MIR17HG: variants seen among roughly 807,000 people sequenced by gnomAD.
MIR17HG encodes the protein miR-17-92a-1 cluster host gene.
chr13:91,348,634 G>A (rs539151875), intron 1 of MIR17HG, among the ~76,000 whole-genome samples: 77 of 151,010 alleles, frequency 5.1e-4, no homozygotes, highest in African/African-American at 1.6e-3. Flanking sequence ...TCGGGGCGGG[G>A]CCCGCAACTT....
chr13:91,350,643 A>G (rs781315035), intron 3 of MIR17HG: 3 of 534,682 alleles, frequency 5.6e-6, no homozygotes, highest in Non-Finnish European at 1.2e-5. Context: ...GCAGGTAGTG[A>G]TATGTGCATC....
At chr13:91,351,297 A>G (rs770733281) in intron 3 of MIR17HG, 2 of 531,678 alleles carry the variant, frequency 3.8e-6, no homozygotes, top group Non-Finnish European at 7.8e-6. Context: ...GTAGAAAAGT[A>G]AGGGAAACTC....
At position 91,352,740 on chromosome 13, in the gene MIR17HG, C is replaced by T. The variant is rs564278702; in HGVS notation, n.285-1193C>T. Among the ~76,000 whole-genome samples the T allele has an allele frequency of 7.2e-5, 11 of 152,114 alleles. No individual in the cohort carries two copies. In the East Asian group the frequency reaches 1.7e-3, roughly 24 times the overall value. On this transcript the variant is annotated intron_variant and non_coding_transcript_variant, in intron 3 of 3. Transcript: ENST00000400282. ...ATTGTACATTAGCAGAGTTCTTAAG[C>T]TTTTTGAATTGAAGGAGACCTAATA...
At chr13:91,354,513 C>G (rs1022448412) in exon 4 of MIR17HG, 1 of 152,104 alleles carries the variant, frequency 6.6e-6, no homozygotes, top group South Asian at 2.1e-4. Flanking sequence ...AAATAAAATA[C>G]TGCATTTTAA....
In MIR17HG at chr13:91,348,150, C is replaced by G. The variant is rs1157087039; in HGVS notation, n.140+191C>G. On this transcript the variant is annotated intron_variant and non_coding_transcript_variant, in intron 1 of 3. Transcript: ENST00000400282. The stretch of plus-strand genomic sequence containing the variant: ...GCATCTGGCTGCCCCCTCGCTCGCC[C>G]GCGGGCCGGCGGAGGGGGGCAGGGC... Among the ~76,000 whole-genome samples, 3 of 37,256 alleles carry G rather than the reference C, an allele frequency of 8.1e-5. No individual in the cohort carries two copies. The Admixed American group carries it at 8.6e-4, about 11-fold the overall frequency. 24.4% of individuals were successfully genotyped at this position (37,256 alleles called of 152,430 possible).
chr13:91,350,171 A>G (rs1875223885), exon 3 of MIR17HG: 1 of 178,368 alleles, frequency 5.6e-6, no homozygotes, highest in Admixed American at 5.5e-5. Context: ...GCTAAGTGGA[A>G]GCCAGAAGAG....
chr13:91,351,502 T>G, intron 3 of MIR17HG: 1 of 400,428 alleles, frequency 2.5e-6, no homozygotes, highest in East Asian at 7.1e-5. Context: ...TAACTTTTTG[T>G]GTAAATACAT....
chr13:91,353,383 TAAAC>T (rs1438871130), intron 3 of MIR17HG, among the ~76,000 whole-genome samples: 2 of 152,236 alleles, frequency 1.3e-5, no homozygotes, highest in African/African-American at 2.4e-5. Flanking sequence ...TTAAATCTAA[TAAAC>T]AAGTTAATAA....
At chr13:91,349,109 C>G (rs530611318) in intron 1 of MIR17HG, among the ~76,000 whole-genome samples, 1 of 152,140 alleles carries the variant, frequency 6.6e-6, no homozygotes, top group Admixed American at 6.5e-5. Context: ...GGGCCGCGCT[C>G]CCCCTTGTGC....
chr13:91,348,027 G>GGCGGA (rs1032370951), intron 1 of MIR17HG: 2 of 151,226 alleles, frequency 1.3e-5, no homozygotes, highest in Non-Finnish European at 3.0e-5. Context: ...TGGCGGGCGG[G>GGCGGA]GCGGAGCGGC....
chr13:91,352,152 T>G (rs1691853490), intron 3 of MIR17HG: 2 of 152,360 alleles, frequency 1.3e-5, no homozygotes, highest in South Asian at 4.1e-4. Context: ...TTAACATTTA[T>G]GTTCCCTACT....
At chr13:91,348,163 A>AG (rs1281674073) in intron 1 of MIR17HG, among the ~76,000 whole-genome samples, 3 of 1,360 alleles carry the variant, frequency 2.2e-3, no homozygotes, top group Non-Finnish European at 4.7e-3. Context: ...GGGCCGGCGG[A>AG]GGGGGGCAGG....
intron 3 of MIR17HG, chr13:91,350,329 G>A (rs1244647490): frequency 1.1e-5 from 3 of 269,186 alleles, no homozygotes; most frequent in South Asian, 4.0e-5. Flanking sequence ...AATCCATTTG[G>A]GAGAGGCCAG....
chr13:91,353,673 T>C (rs527268275), intron 3 of MIR17HG, among the ~76,000 whole-genome samples: 2 of 152,320 alleles, frequency 1.3e-5, no homozygotes, highest in South Asian at 4.1e-4. Flanking sequence ...ACTTTGACCC[T>C]TGTTCTTAAA....
intron 3 of MIR17HG, among the ~76,000 whole-genome samples, chr13:91,353,651 T>G (rs750783571): frequency 6.6e-6 from 1 of 152,198 alleles, no homozygotes; most frequent in Non-Finnish European, 1.5e-5. Flanking sequence ...ATCTCTGACC[T>G]GAGAAAAAAC....
chr13:91,349,432 C>T (rs1875171850), intron 1 of MIR17HG, among the ~76,000 whole-genome samples: 1 of 151,736 alleles, frequency 6.6e-6, no homozygotes, highest in Non-Finnish European at 1.5e-5. Context: ...GTGATTGCTG[C>T]TGATCATAAT....
At chr13:91,348,454 G>A (rs1594011414) in intron 1 of MIR17HG, among the ~76,000 whole-genome samples, 1 of 151,140 alleles carries the variant, frequency 6.6e-6, no homozygotes, top group East Asian at 2.0e-4. Flanking sequence ...CGGGCCGGGA[G>A]GGGGCGCGCC....
intron 1 of MIR17HG, among the ~76,000 whole-genome samples, chr13:91,349,467 A>C (rs1406872672): frequency 1.3e-5 from 2 of 152,108 alleles, no homozygotes; most frequent in Non-Finnish European, 2.9e-5. Context: ...GCTTATTTAG[A>C]CATGTATCTG....
At chr13:91,348,064 TGGC>T in intron 1 of MIR17HG, 1 of 147,190 alleles carries the variant, frequency 6.8e-6, no homozygotes, top group South Asian at 1.9e-4. Flanking sequence ...CGGGGCAGCG[TGGC>T]GGCGGCGGCG....
Sources: gnomAD v4.1 joint callset for allele counts (sites outside exome capture counted in the v4.1 genomes callset) on GRCh38, gnomAD v4.1.1 for gene constraint, MANE v1.5 for transcripts, NCBI Gene and HGNC (gene_info 2026-07-23, HGNC 2026-07-21) for gene names.